TMEM117: variants seen among roughly 807,000 people sequenced by gnomAD.
TMEM117 encodes the protein transmembrane protein 117.
TMEM117 carries 27 observed loss-of-function variants against 52.4 expected under a neutral mutation model. The observed-to-expected ratio is 0.51, with a 90% CI of 0.38 to 0.71. TMEM117 has a LOEUF of 0.71. Among genes scored for constraint, TMEM117 ranks in the 30% least tolerant of loss-of-function variants. The pLI, the probability that TMEM117 is intolerant of heterozygous loss-of-function variation, is 0.00. For missense variants in TMEM117, 556 were observed against 630.5 expected, an observed-to-expected ratio of 0.88 and a Z score of 1.26; for synonymous variants, 215 against 206.3, an observed-to-expected ratio of 1.04 and a Z score of -0.36.
the TMEM117 span, among the ~76,000 whole-genome samples, chr12:43,796,126 G>A: frequency 6.6e-6 from 1 of 152,242 alleles, no homozygotes; most frequent in East Asian, 1.9e-4. Flanking sequence ...ACAAACCATG[G>A]CCCGAAGGCC....
intron 3 of TMEM117, among the ~76,000 whole-genome samples, chr12:44,082,530 T>C (rs1947499205): frequency 6.6e-6 from 1 of 152,040 alleles, no homozygotes; most frequent in African/African-American, 2.4e-5. Flanking sequence ...AAAACACATT[T>C]AAATGATTGA....
At chr12:43,971,158 G>A (rs937006469) in intron 3 of TMEM117, among the ~76,000 whole-genome samples, 5 of 151,978 alleles carry the variant, frequency 3.3e-5, no homozygotes, top group Non-Finnish European at 4.4e-5. Context: ...GATTCTACCT[G>A]CTAAGTATCT....
At chr12:44,375,667 T>A (rs1004333783) in intron 6 of TMEM117, among the ~76,000 whole-genome samples, 6 of 152,350 alleles carry the variant, frequency 3.9e-5, no homozygotes, top group African/African-American at 1.4e-4. Flanking sequence ...TGTTTCTGAC[T>A]TTTTCATATT....
chr12:44,153,708 T>G (rs1470581808), intron 4 of TMEM117, among the ~76,000 whole-genome samples: 1 of 152,086 alleles, frequency 6.6e-6, no homozygotes, highest in Non-Finnish European at 1.5e-5. Context: ...AAATTGCTAT[T>G]CTTTAGCAGT....
At chr12:44,252,521 C>G (rs761341537) in intron 5 of TMEM117, among the ~76,000 whole-genome samples, 23 of 151,972 alleles carry the variant, frequency 1.5e-4, no homozygotes, top group Admixed American at 2.6e-4. Context: ...AACAAACAAA[C>G]AAACAAAAAA....
intron 3 of TMEM117, among the ~76,000 whole-genome samples, chr12:44,129,345 G>A (rs563223600): frequency 6.6e-6 from 1 of 152,128 alleles, no homozygotes; most frequent in Non-Finnish European, 1.5e-5. Flanking sequence ...GGCCTGTCAG[G>A]TCTTTCACAA....
intron 4 of TMEM117, among the ~76,000 whole-genome samples, chr12:44,168,025 G>T (rs1044292057): frequency 6.6e-6 from 1 of 151,890 alleles, no homozygotes; most frequent in Non-Finnish European, 1.5e-5. Flanking sequence ...GGAGGCTGAG[G>T]TGGGCGGATC....
chr12:43,933,023 A>G (rs1944896320), intron 2 of TMEM117, among the ~76,000 whole-genome samples: 1 of 152,192 alleles, frequency 6.6e-6, no homozygotes, highest in Non-Finnish European at 1.5e-5. Flanking sequence ...GCTTAAGACC[A>G]TGGAAATCAG....
chr12:44,391,009 G>A (rs1272973981), downstream of TMEM117, among the ~76,000 whole-genome samples: 4 of 151,728 alleles, frequency 2.6e-5, no homozygotes, highest in Admixed American at 2.0e-4. Context: ...CAGAAATTGA[G>A]GTTAAAAAAA....
intron 3 of TMEM117, among the ~76,000 whole-genome samples, chr12:43,973,892 T>A (rs893174559): frequency 6.6e-6 from 1 of 152,214 alleles, no homozygotes; most frequent in Non-Finnish European, 1.5e-5. Context: ...CTTTAAAATC[T>A]TTTAAGTAGA....
intron 3 of TMEM117, among the ~76,000 whole-genome samples, chr12:44,063,583 C>T (rs887604431): frequency 6.6e-6 from 1 of 151,818 alleles, no homozygotes; most frequent in Non-Finnish European, 1.5e-5. Context: ...TCGTCATTTA[C>T]ATTAGGTATA....
intron 3 of TMEM117, among the ~76,000 whole-genome samples, chr12:44,132,630 C>A (rs1008412955): frequency 2.6e-5 from 4 of 152,126 alleles, no homozygotes; most frequent in African/African-American, 9.7e-5. Context: ...CTATGACCAT[C>A]CCCGTTCCTC....
chr12:44,353,520 G>C (rs1592713197), intron 6 of TMEM117, among the ~76,000 whole-genome samples: 1 of 151,644 alleles, frequency 6.6e-6, no homozygotes, highest in South Asian at 2.1e-4. Context: ...CATATGGCTA[G>C]CCAGTTTTCC....
chr12:44,244,526 T>G (rs2138491968), intron 5 of TMEM117: 1 of 152,190 alleles, frequency 6.6e-6, no homozygotes, highest in East Asian at 1.9e-4. Flanking sequence ...GTTCAGGTCC[T>G]TTGCCCATTT....
intron 4 of TMEM117, among the ~76,000 whole-genome samples, chr12:44,208,652 G>C (rs1223898097): frequency 1.4e-5 from 2 of 148,006 alleles, no homozygotes; most frequent in Non-Finnish European, 3.0e-5. Flanking sequence ...ACATTGATCT[G>C]ATAATATGAC....
chr12:43,813,679 A>G, the TMEM117 span, among the ~76,000 whole-genome samples: 1 of 151,982 alleles, frequency 6.6e-6, no homozygotes, highest in African/African-American at 2.4e-5. Flanking sequence ...TACACTCTCA[A>G]AGAAGCTCAT....
chr12:44,230,643 AT>A (rs1206157879), intron 5 of TMEM117, among the ~76,000 whole-genome samples: 1 of 151,954 alleles, frequency 6.6e-6, no homozygotes, highest in Non-Finnish European at 1.5e-5. Context: ...TTAAACACAA[AT>A]TTTATTTTGG....
At chr12:44,105,343 C>T (rs894612625) in intron 3 of TMEM117, among the ~76,000 whole-genome samples, 1 of 152,000 alleles carries the variant, frequency 6.6e-6, no homozygotes, top group Non-Finnish European at 1.5e-5. Flanking sequence ...TCTCTGCTTA[C>T]ATTACACATT....
chr12:44,327,111 G>A (rs968056743), intron 6 of TMEM117, among the ~76,000 whole-genome samples: 1 of 151,814 alleles, frequency 6.6e-6, no homozygotes. Context: ...TAGGTACTGG[G>A]GCTACAAAGG....
Sources: gnomAD v4.1 joint callset for allele counts (sites outside exome capture counted in the v4.1 genomes callset) on GRCh38, gnomAD v4.1.1 for gene constraint, MANE v1.5 for transcripts, NCBI Gene and HGNC (gene_info 2026-07-23, HGNC 2026-07-21) for gene names.